The following CAMKMT variants were observed in gnomAD, a reference collection of about 807,000 sequenced individuals.
CAMKMT encodes CaM KMT.
CAMKMT carries 53 observed loss-of-function variants against 48.0 expected under a neutral mutation model. That is an observed-to-expected ratio of 1.10 (90% CI 0.89 to 1.39). The LOEUF is 1.39. Among genes scored for constraint, CAMKMT ranks in the 40% most tolerant of loss-of-function variants. The pLI, the probability that CAMKMT is intolerant of heterozygous loss-of-function variation, is 0.00. For missense variants in CAMKMT, 428 were observed against 402.7 expected, an observed-to-expected ratio of 1.06 and a Z score of -0.54; for synonymous variants, 165 against 152.3, an observed-to-expected ratio of 1.08 and a Z score of -0.61.
At chr2:44,710,958 G>A (rs192412315) in intron 6 of CAMKMT, among the ~76,000 whole-genome samples, 1 of 152,272 alleles carries the variant, frequency 6.6e-6, no homozygotes, top group East Asian at 1.9e-4. Flanking sequence ...GCACAGTGTG[G>A]ATCATGATCT....
chr2:44,660,967 T>C (rs1282642654), intron 3 of CAMKMT, among the ~76,000 whole-genome samples: 1 of 152,204 alleles, frequency 6.6e-6, no homozygotes, highest in Non-Finnish European at 1.5e-5. Flanking sequence ...TTTTTTTAAA[T>C]ATATGTATTG....
At chr2:44,706,514 G>A (rs1284347788) in intron 5 of CAMKMT, among the ~76,000 whole-genome samples, 173 bp downstream of exon 5, 1 of 152,030 alleles carries the variant, frequency 6.6e-6, no homozygotes, top group Non-Finnish European at 1.5e-5. Flanking sequence ...TGATTTTATG[G>A]TTGCCTCGAT....
At chr2:44,365,998 C>T (rs1678549708) in intron 1 of CAMKMT, among the ~76,000 whole-genome samples, 1 of 152,134 alleles carries the variant, frequency 6.6e-6, no homozygotes, top group Non-Finnish European at 1.5e-5. Flanking sequence ...AAGTTATTTT[C>T]TGAGTGTCAA....
intron 3 of CAMKMT, among the ~76,000 whole-genome samples, chr2:44,479,089 AT>A (rs1193688059): frequency 4.6e-5 from 7 of 152,226 alleles, no homozygotes; most frequent in Admixed American, 6.5e-5. Context: ...TCAACAGTAA[AT>A]ATCTTTAAAA....
chr2:44,379,055 T>C (rs919313016), intron 2 of CAMKMT, among the ~76,000 whole-genome samples: 3 of 152,206 alleles, frequency 2.0e-5, no homozygotes, highest in African/African-American at 7.2e-5. Context: ...CCATATACAT[T>C]GGCTGTAACT....
At chr2:44,369,962 T>G (rs1678990162) in intron 1 of CAMKMT, 1 of 152,164 alleles carries the variant, frequency 6.6e-6, no homozygotes, top group Non-Finnish European at 1.5e-5. Flanking sequence ...TGCTACGGAT[T>G]CCAGGAAATA....
chr2:44,768,361 A>ATATATATATATATATTTT (rs35058824), intron 10 of CAMKMT, among the ~76,000 whole-genome samples: 4 of 115,744 alleles, frequency 3.5e-5, no homozygotes, highest in African/African-American at 1.5e-4. Flanking sequence ...ATATATATAT[A>ATATATATATATATATTTT]TTTTTTTTTT....
chr2:44,543,656 T>G (rs185063364), intron 3 of CAMKMT, among the ~76,000 whole-genome samples: 30 of 152,320 alleles, frequency 2.0e-4, no homozygotes, highest in Admixed American at 7.2e-4. Context: ...TTATTATTTT[T>G]TGGTGCATAA....
intron 7 of CAMKMT, among the ~76,000 whole-genome samples, chr2:44,718,361 T>C (rs895711661): frequency 1.3e-5 from 2 of 152,246 alleles, no homozygotes; most frequent in African/African-American, 4.8e-5. Context: ...TGAAGAATTA[T>C]ATTCATTACA....
At chr2:44,752,516 C>T (rs1680197115) in intron 8 of CAMKMT, among the ~76,000 whole-genome samples, 1 of 152,178 alleles carries the variant, frequency 6.6e-6, no homozygotes, top group South Asian at 2.1e-4. Flanking sequence ...ATGCTTTCAC[C>T]TGTCCCCACC....
intron 3 of CAMKMT, among the ~76,000 whole-genome samples, chr2:44,507,707 A>T (rs1670331947): frequency 6.6e-6 from 1 of 152,224 alleles, no homozygotes; most frequent in Non-Finnish European, 1.5e-5. Flanking sequence ...TACTCTCATT[A>T]TCCCCATTTT....
Position 44,739,436 on chromosome 2 carries a change from T to C in CAMKMT, c.624-4186T>C, listed in dbSNP as rs566082386. On this transcript the variant is annotated intron_variant, in intron 7 of 10. Transcript: ENST00000378494. ...GCCTGAGCAACTGGAAAGATGGAAT[T>C]ACCAATAACGAGATTTAAAAAAGAC... 2.0e-5 allele frequency among the ~76,000 whole-genome samples: 3 copies of C among 152,220 alleles called. No individual in the cohort carries two copies. In the South Asian group the frequency reaches 6.2e-4, roughly 31 times the overall value.
intron 1 of CAMKMT, among the ~76,000 whole-genome samples, chr2:44,366,554 T>C (rs1395798422): frequency 6.6e-6 from 1 of 152,232 alleles, no homozygotes; most frequent in Non-Finnish European, 1.5e-5. Context: ...CATAAGTTGT[T>C]GGAATTTGGA....
chr2:44,553,984 T>A (rs1405636133), intron 3 of CAMKMT, among the ~76,000 whole-genome samples: 1 of 152,182 alleles, frequency 6.6e-6, no homozygotes, highest in African/African-American at 2.4e-5. Context: ...TAATATAATA[T>A]TAAGTGACTT....
intron 3 of CAMKMT, among the ~76,000 whole-genome samples, chr2:44,659,382 A>G (rs780247725): frequency 6.6e-6 from 1 of 152,126 alleles, no homozygotes; most frequent in East Asian, 1.9e-4. Flanking sequence ...AGCTGTGATT[A>G]TAACACTGCA....
intron 3 of CAMKMT, among the ~76,000 whole-genome samples, chr2:44,493,875 A>G (rs568638183): frequency 1.3e-5 from 2 of 152,324 alleles, no homozygotes; most frequent in African/African-American, 4.8e-5. Context: ...GCAAACCAGT[A>G]ACTGTTAACC....
chr2:44,593,139 A>G (rs1670411155), intron 3 of CAMKMT, among the ~76,000 whole-genome samples: 1 of 152,164 alleles, frequency 6.6e-6, no homozygotes, highest in Non-Finnish European at 1.5e-5. Flanking sequence ...GACCAGCAAT[A>G]TTTATGTAGG....
chr2:44,407,460 A>G (rs1476292804), intron 3 of CAMKMT, among the ~76,000 whole-genome samples: 1 of 152,128 alleles, frequency 6.6e-6, no homozygotes, highest in Non-Finnish European at 1.5e-5. Flanking sequence ...GATCCTTGGC[A>G]TGAGTGGGTT....
intron 7 of CAMKMT, among the ~76,000 whole-genome samples, chr2:44,729,202 T>C (rs963313126): frequency 8.6e-5 from 13 of 152,046 alleles, no homozygotes; most frequent in African/African-American, 2.4e-4. Context: ...GAGGTGGCAG[T>C]AGAATAGATA....
Sources: gnomAD v4.1 joint callset for allele counts (sites outside exome capture counted in the v4.1 genomes callset) on GRCh38, gnomAD v4.1.1 for gene constraint, MANE v1.5 for transcripts, NCBI Gene and HGNC (gene_info 2026-07-23, HGNC 2026-07-21) for gene names.